Variants in SNX6 observed in about 807,000 individuals in gnomAD.
SNX6 encodes the protein sorting nexin-6.
SNX6 carries 34 observed loss-of-function variants against 63.0 expected under a neutral mutation model. That is an observed-to-expected ratio of 0.54 (90% CI 0.41 to 0.72). The LOEUF (loss-of-function observed/expected upper bound fraction) is 0.72. Ranked by LOEUF, SNX6 falls within the 30% of genes least tolerant of loss-of-function variation. The pLI is 0.00. For synonymous variants in SNX6, 170 were observed against 164.2 expected, an observed-to-expected ratio of 1.04 and a Z score of -0.27; for missense variants, 398 against 471.4, an observed-to-expected ratio of 0.84 and a Z score of 1.44.
chr14:34,602,853 G>A (rs1882874180), intron 6 of SNX6, among the ~76,000 whole-genome samples: 1 of 150,964 alleles, frequency 6.6e-6, no homozygotes, highest in Admixed American at 6.6e-5. Flanking sequence ...GCGGGCGCCT[G>A]TAGTCCCAGC....
chr14:34,605,526 A>T, intron 5 of SNX6, 70 bp downstream of exon 5: 1 of 1,355,290 alleles, frequency 7.4e-7, no homozygotes, highest in South Asian at 1.5e-5. Flanking sequence ...AAAAGGCATT[A>T]AAGCAAGCAC....
At chr14:34,575,403 C>T (rs1466261229) in intron 11 of SNX6, among the ~76,000 whole-genome samples, 1 of 151,836 alleles carries the variant, frequency 6.6e-6, no homozygotes, top group Non-Finnish European at 1.5e-5. Flanking sequence ...TTTCATCATG[C>T]TAGCCAGGCT....
intron 13 of SNX6, among the ~76,000 whole-genome samples, chr14:34,566,989 G>A (rs561434810): frequency 4.6e-5 from 7 of 152,090 alleles, no homozygotes; most frequent in South Asian, 2.1e-4. Context: ...ACGGGAGGCC[G>A]AGGCAGGTGT....
chr14:34,603,287 A>G (rs1320271570), intron 6 of SNX6, 61 bp downstream of exon 6: 51 of 1,451,826 alleles, frequency 3.5e-5, no homozygotes, highest in Non-Finnish European at 4.5e-5. Flanking sequence ...TTCCGTCTCA[A>G]AAAAAAAAAG....
At chr14:34,607,867 C>T (rs1208822288) in intron 4 of SNX6, among the ~76,000 whole-genome samples, 163 bp downstream of exon 4, 1 of 152,124 alleles carries the variant, frequency 6.6e-6, no homozygotes, top group Non-Finnish European at 1.5e-5. Flanking sequence ...GAGACTGCGT[C>T]ACTACACTCC....
chr14:34,609,716 T>G lies in SNX6; in HGVS notation c.81A>C (p.Gln27His). The G allele has an allele frequency of 6.2e-7, 1 of 1,612,062 alleles. No individual in the cohort carries two copies. The highest frequency in any genetic ancestry group is 8.5e-7 in the Non-Finnish European group (1 of 1,178,752). Reference sequence around the variant, plus strand: ...TGTCCACCTGCAGAGCAGCATCACTTTGAAGATCTACATTTATTGCTTTAA... The same window carrying G: ...TGTCCACCTGCAGAGCAGCATCACTGTGAAGATCTACATTTATTGCTTTAA... ...RGLKAINVDL[Q>H]SDAALQVDIS... Residue 27 changes from glutamine (Q) to histidine (H), a missense_variant, in exon 3 of 14, where the codon CAA becomes CAC. Physicochemically the swap from Gln to His is conservative, Grantham distance 24. Transcript: ENST00000362031.
At chr14:34,578,114 G>A (rs1881784226) in intron 10 of SNX6, among the ~76,000 whole-genome samples, 1 of 152,090 alleles carries the variant, frequency 6.6e-6, no homozygotes, top group Admixed American at 6.6e-5. Flanking sequence ...TGAGGCATGA[G>A]ACTCACTTGA....
chr14:34,580,907 C>T lies in SNX6; in HGVS notation c.834+654G>A, dbSNP rs530291192. Among the ~76,000 whole-genome samples the T allele has an allele frequency of 2.9e-4, 44 of 152,310 alleles. No homozygotes were observed. In the South Asian group the frequency reaches 8.7e-3, roughly 30 times the overall value. On this transcript the variant is annotated intron_variant, in intron 10 of 13. Transcript: ENST00000362031. ...CTGGACTCAAGAGATCCTCCTGCCTCAGCCTCCCAAAGTGCTGGGATTACA... is the reference window on the plus strand; with the variant it reads ...CTGGACTCAAGAGATCCTCCTGCCTTAGCCTCCCAAAGTGCTGGGATTACA...
In SNX6 at chr14:34,571,875, T is replaced by C. The variant is rs537845313; in HGVS notation, c.922-3862A>G. On this transcript the variant is annotated intron_variant, in intron 11 of 13. Coordinates refer to ENST00000362031, the MANE Select transcript of SNX6 (RefSeq NM_152233.4). ...CATTTCTTTCTTTCCTTCTTTTCAATAGAGATAGGATTGGGCTATGTTGCC... is the reference window on the plus strand; with the variant it reads ...CATTTCTTTCTTTCCTTCTTTTCAACAGAGATAGGATTGGGCTATGTTGCC... Among the ~76,000 whole-genome samples the C allele has an allele frequency of 1.0e-3, 155 of 152,278 alleles. 1 individual carries two copies. Among genetic ancestry groups the C allele is most frequent in the African/African-American group, 3.6e-3 (148 of 41,558 alleles).
chr14:34,577,865 T>C (rs1454238267), intron 10 of SNX6, among the ~76,000 whole-genome samples: 1 of 152,162 alleles, frequency 6.6e-6, no homozygotes, highest in African/African-American at 2.4e-5. Flanking sequence ...GGACACAGAA[T>C]GAAGACAGAC....
At chr14:34,567,472 C>T (rs906131481) in intron 13 of SNX6, among the ~76,000 whole-genome samples, 2 of 151,966 alleles carry the variant, frequency 1.3e-5, no homozygotes, top group Non-Finnish European at 2.9e-5. Context: ...TGGGCAATAG[C>T]GCCAGACTCT....
At chr14:34,592,466 T>G (rs967026096) in intron 8 of SNX6, among the ~76,000 whole-genome samples, 1 of 152,172 alleles carries the variant, frequency 6.6e-6, no homozygotes, top group South Asian at 2.1e-4. Flanking sequence ...ACTTGATTTG[T>G]ATGTAATTAC....
chr14:34,611,255 T>C (rs966726951), intron 2 of SNX6, among the ~76,000 whole-genome samples: 7 of 147,826 alleles, frequency 4.7e-5, no homozygotes, highest in African/African-American at 1.7e-4. Context: ...GGCATTCGAA[T>C]TGCTTGAGCT....
intron 11 of SNX6, among the ~76,000 whole-genome samples, chr14:34,573,623 CT>C (rs1012986376): frequency 4.2e-4 from 61 of 145,496 alleles, no homozygotes; most frequent in East Asian, 3.0e-3. Context: ...TTGCACACAG[CT>C]TTTTTTTTTT....
chr14:34,609,202 T>A (rs546562675), intron 3 of SNX6, among the ~76,000 whole-genome samples: 10 of 146,740 alleles, frequency 6.8e-5, no homozygotes, highest in Non-Finnish European at 1.5e-4. Context: ...AAAGTACATT[T>A]TGGCTGGGCG....
intron 2 of SNX6, 79 bp from the exon 3 acceptor site, chr14:34,609,821 C>A: frequency 2.1e-6 from 2 of 942,870 alleles, no homozygotes; most frequent in South Asian, 1.5e-5. Context: ...AATGCAAAAA[C>A]AAAACAAAAA....
At position 34,563,100 on chromosome 14, in the gene SNX6, T is replaced by C. The variant is rs377681410; in HGVS notation, c.*22A>G. 9.3e-6 allele frequency: 15 copies of C among 1,612,414 alleles called. No homozygotes were observed. The highest frequency in any genetic ancestry group is 1.3e-5 in the Non-Finnish European group (15 of 1,178,812). On this transcript the variant is annotated 3_prime_UTR_variant, in exon 14 of 14. Coordinates refer to ENST00000362031, the MANE Select transcript of SNX6 (RefSeq NM_152233.4). ...AAATTTGAAGGAAGGCAGCCCTTTT[T>C]AACAGGAAGGCGGAGTGTGGCTTAT... is the stretch of plus-strand genomic sequence containing the variant.
chr14:34,629,481 A>C (rs748602998), intron 2 of SNX6: 12 of 477,014 alleles, frequency 2.5e-5, no homozygotes, highest in South Asian at 1.9e-4. Flanking sequence ...GAGAGACAGA[A>C]GGGTGGGCGG....
chr14:34,565,737 T>TG (rs1225791001), intron 13 of SNX6, among the ~76,000 whole-genome samples: 1 of 151,022 alleles, frequency 6.6e-6, no homozygotes, highest in East Asian at 2.0e-4. Flanking sequence ...TCTCCCAGGC[T>TG]GGAGTGCAGT....
Sources: allele counts gnomAD v4.1 joint callset (sites outside exome capture counted in the v4.1 genomes callset), GRCh38; gene constraint gnomAD v4.1.1; transcripts MANE v1.5; gene names NCBI Gene and HGNC (gene_info 2026-07-23, HGNC 2026-07-21).